HDC: variants seen among roughly 807,000 people sequenced by gnomAD.
The protein encoded by HDC is histidine decarboxylase.
HDC carries 27 observed loss-of-function variants against 64.4 expected under a neutral mutation model. That is an observed-to-expected ratio of 0.42 (90% CI 0.31 to 0.58). The LOEUF (loss-of-function observed/expected upper bound fraction) is 0.58, where lower values mean the gene tolerates loss of function less well. HDC is among the 20% of genes least tolerant of loss of function. HDC has a pLI of 0.16. For missense variants in HDC, 711 were observed against 833.9 expected (o/e 0.85, Z 1.81); for synonymous variants, 305 against 314.2 (o/e 0.97, Z 0.31).
In HDC at chr15:50,241,964, G is replaced by A. The variant is rs1331623539; in HGVS notation, c.*296C>T. On this transcript the variant is annotated 3_prime_UTR_variant, in exon 12 of 12. Coordinates refer to ENST00000267845, the MANE Select transcript of HDC (RefSeq NM_002112.4). The stretch of plus-strand genomic sequence containing the variant: ...AGGGTATGTTTTGTTTCAGGGACAA[G>A]CATAATTTATTTCTGTGTTATATAT... 6.2e-6 allele frequency: 3 copies of A among 483,026 alleles called. No homozygotes were observed. The Admixed American group carries it at 1.1e-4, about 17-fold the overall frequency. The allele number at this position is 483,026 out of a possible 1,614,324, so 29.9% of individuals were successfully genotyped here. A position where few individuals can be genotyped will look rare whatever the true frequency, so the allele number is the denominator to read the frequency against.
At position 50,243,646 on chromosome 15, in the gene HDC, G is replaced by A. The variant is rs145507111; in HGVS notation, c.1141-402C>T. Reference sequence around the variant, plus strand: ...CAGCCAGGTGCCTCATGCGAGCTGCGTGTGCCTAAAGGAAGAGATGCCTGT... The same window carrying A: ...CAGCCAGGTGCCTCATGCGAGCTGCATGTGCCTAAAGGAAGAGATGCCTGT... On this transcript the variant is annotated intron_variant, in intron 10 of 11. Coordinates refer to ENST00000267845, the MANE Select transcript of HDC (RefSeq NM_002112.4). Among the ~76,000 whole-genome samples, 14 of 152,342 alleles carry A rather than the reference G, an allele frequency of 9.2e-5. No homozygotes were observed. The South Asian group carries it at 2.3e-3, about 25-fold the overall frequency.
Position 50,248,219 on chromosome 15 carries a change from A to G in HDC, c.1140+26T>C. ...TGAGAAAACAGAGGAACACAGGCTC[A>G]GCCCCCACAGCAGCATGCTACATAC... On this transcript the variant is annotated intron_variant, in intron 10 of 11. Coordinates refer to ENST00000267845, the MANE Select transcript of HDC (RefSeq NM_002112.4). The surrounding 1 kb of genome is among the most constrained non-coding windows in gnomAD (Gnocchi z 4.3). 6.7e-7 allele frequency: 1 copy of G among 1,491,838 alleles called. No homozygotes were observed. Among genetic ancestry groups the G allele is most frequent in the Non-Finnish European group, 9.4e-7 (1 of 1,068,798 alleles). The allele number at this position is 1,491,838 out of a possible 1,614,324, so 92.4% of individuals were successfully genotyped here.
chr15:50,254,565 G>GGCAC lies in HDC; in HGVS notation c.540_541insGTGC (p.Leu181ValfsTer12). 1 of 1,614,224 alleles carries GGCAC rather than the reference G, an allele frequency of 6.2e-7. No individual in the cohort carries two copies. Among genetic ancestry groups the GGCAC allele is most frequent in the Non-Finnish European group, 8.5e-7 (1 of 1,180,040 alleles). On this transcript the variant is annotated frameshift_variant, in exon 5 of 12. Coordinates refer to ENST00000267845, the MANE Select transcript of HDC (RefSeq NM_002112.4). LOFTEE classifies it high-confidence loss of function. ...GCATAGGCCACGAGTCGGGCATTTA[G>GGCAC]GCAGGACTCATCAGCATCGGGCTCA...
chr15:50,259,341 T>C (rs1466461185), intron 2 of HDC, among the ~76,000 whole-genome samples: 1 of 152,030 alleles, frequency 6.6e-6, no homozygotes, highest in African/African-American at 2.4e-5. Context: ...ACATTGGGAA[T>C]GTAGTGAGGA....
Position 50,258,394 on chromosome 15 carries a change from T to C in HDC, c.318+10A>G. On this transcript the variant is annotated intron_variant, in intron 3 of 11. Coordinates refer to ENST00000267845, the MANE Select transcript of HDC (RefSeq NM_002112.4). ...CCCCATTGCGAGTAGTTACAGCCGT[T>C]GCTACTCACCCAGGTGAATCCCAAG... 6.6e-7 allele frequency: 1 copy of C among 1,516,808 alleles called. No homozygotes were observed. The highest frequency in any genetic ancestry group is 9.2e-7 in the Non-Finnish European group (1 of 1,091,336). The allele number at this position is 1,516,808 out of a possible 1,614,324, so 94.0% of individuals were successfully genotyped here.
chr15:50,256,236 G>C (rs1308631846), intron 4 of HDC, among the ~76,000 whole-genome samples: 2 of 152,124 alleles, frequency 1.3e-5, no homozygotes, highest in Non-Finnish European at 2.9e-5. Flanking sequence ...GTAACTATTT[G>C]CTGACAATCC....
At position 50,251,342 on chromosome 15, in the gene HDC, G is replaced by A. The variant is rs149109672; in HGVS notation, c.1041+1088C>T. On this transcript the variant is annotated intron_variant, in intron 9 of 11. Coordinates refer to ENST00000267845, the MANE Select transcript of HDC (RefSeq NM_002112.4). ...CCATATATTGAGCACTTGCCACACG[G>A]CTATTTTGCTAGGTGATCCACACGT... 3.0e-3 allele frequency among the ~76,000 whole-genome samples: 451 copies of A among 152,234 alleles called. 2 individuals carry two copies. The highest frequency in any genetic ancestry group is 0.01 in the African/African-American group (431 of 41,534).
chr15:50,258,363 T>TA, intron 3 of HDC, 41 bp downstream of exon 3: 1 of 1,123,708 alleles, frequency 8.9e-7, no homozygotes, highest in Non-Finnish European at 1.4e-6. Flanking sequence ...CACTCCCTGC[T>TA]ACGTTCCCCA....
In HDC at chr15:50,252,610, A is replaced by T; in HGVS notation, c.950+2T>A. The T allele has an allele frequency of 6.2e-7, 1 of 1,614,148 alleles. No homozygotes were observed. Reference sequence around the variant, plus strand: ...TGCTCGGAGCTGGGCTGCTACACTCACCAGAACCCAGTACAGTCAAAATGC... The same window carrying T: ...TGCTCGGAGCTGGGCTGCTACACTCTCCAGAACCCAGTACAGTCAAAATGC... On this transcript the variant is annotated splice_donor_variant, in intron 8 of 11. Coordinates refer to ENST00000267845, the MANE Select transcript of HDC (RefSeq NM_002112.4). LOFTEE classifies it high-confidence loss of function.
rs141965267 is a variant in HDC, at chr15:50,244,276, G to A, written c.1141-1032C>T. 7.2e-3 allele frequency among the ~76,000 whole-genome samples: 1,045 copies of A among 145,770 alleles called. 7 individuals carry two copies. The highest frequency in any genetic ancestry group is 0.011 in the Non-Finnish European group (723 of 66,858). On this transcript the variant is annotated intron_variant, in intron 10 of 11. Transcript: ENST00000267845. ...ATTTCAAGAGAGGGCAAGGGAGTTAGCTGAACCTCTTTTTTTTTTTTTTTT... is the reference window on the plus strand; with the variant it reads ...ATTTCAAGAGAGGGCAAGGGAGTTAACTGAACCTCTTTTTTTTTTTTTTTT...
chr15:50,246,106 G>A (rs544007699), intron 10 of HDC, among the ~76,000 whole-genome samples: 2 of 152,188 alleles, frequency 1.3e-5, no homozygotes, highest in South Asian at 4.2e-4. Context: ...TTTGGAATTG[G>A]GAGGCTTCAG....
intron 2 of HDC, among the ~76,000 whole-genome samples, chr15:50,261,580 A>G (rs2140942401): frequency 6.7e-6 from 1 of 149,816 alleles, no homozygotes; most frequent in Non-Finnish European, 1.5e-5. Flanking sequence ...CAGGAGTTGG[A>G]GACCAGCTTG....
intron 9 of HDC, among the ~76,000 whole-genome samples, chr15:50,249,574 G>A (rs2045527221): frequency 6.6e-6 from 1 of 152,172 alleles, no homozygotes; most frequent in African/African-American, 2.4e-5. Context: ...TGTTGTGCTG[G>A]GGAGCAGCTT....
At chr15:50,263,146 G>T in intron 2 of HDC, 89 bp downstream of exon 2, 3 of 1,372,298 alleles carry the variant, frequency 2.2e-6, no homozygotes, top group Non-Finnish European at 2.1e-6. Context: ...CTCATCCCAA[G>T]CTGACCCAAA....
At chr15:50,246,990 C>T (rs373516907) in intron 10 of HDC, among the ~76,000 whole-genome samples, 7 of 152,236 alleles carry the variant, frequency 4.6e-5, no homozygotes, top group Non-Finnish European at 7.3e-5. Context: ...AAGCCAGGCA[C>T]AGAAGGACAA....
intron 10 of HDC, 132 bp from the exon 11 acceptor site, chr15:50,243,376 C>T (rs950021550): frequency 1.4e-6 from 1 of 719,288 alleles, no homozygotes; most frequent in Non-Finnish European, 2.5e-6. Context: ...GCTTCTGCCT[C>T]ATTGTCATCT....
At position 50,258,392 on chromosome 15, in the gene HDC, G is replaced by A. The variant is rs764356596; in HGVS notation, c.318+12C>T. 14 of 1,512,304 alleles carry A rather than the reference G, an allele frequency of 9.3e-6. No homozygotes were observed. The East Asian group carries it at 1.4e-4, about 15-fold the overall frequency. The allele number at this position is 1,512,304 out of a possible 1,614,324, so 93.7% of individuals were successfully genotyped here. On this transcript the variant is annotated intron_variant, in intron 3 of 11. Coordinates refer to ENST00000267845, the MANE Select transcript of HDC (RefSeq NM_002112.4). The stretch of plus-strand genomic sequence containing the variant: ...TTCCCCATTGCGAGTAGTTACAGCC[G>A]TTGCTACTCACCCAGGTGAATCCCA...
intron 9 of HDC, among the ~76,000 whole-genome samples, chr15:50,251,425 G>C (rs182566012): frequency 1.3e-5 from 2 of 152,300 alleles, no homozygotes; most frequent in African/African-American, 4.8e-5. Context: ...TCATTTTACA[G>C]ATAAGGAAAG....
intron 2 of HDC, 30 bp from the exon 3 acceptor site, chr15:50,258,547 C>G (rs964101282): frequency 1.5e-6 from 2 of 1,341,010 alleles, no homozygotes; most frequent in African/African-American, 2.9e-5. Flanking sequence ...AGAGTTGGCA[C>G]CAGGAGGCAT....
Sources: allele counts gnomAD v4.1 joint callset (sites outside exome capture counted in the v4.1 genomes callset), GRCh38; gene constraint gnomAD v4.1.1; non-coding constraint Gnocchi (gnomAD v3.1); transcripts MANE v1.5; gene names NCBI Gene and HGNC (gene_info 2026-07-23, HGNC 2026-07-21).